RORB: variants seen among roughly 807,000 people sequenced by gnomAD.
The protein encoded by RORB is nuclear receptor ROR-beta.
RORB carries 6 observed loss-of-function variants against 59.1 expected under a neutral mutation model. That is an observed-to-expected ratio of 0.10 (90% CI 0.06 to 0.20). RORB has a LOEUF of 0.20. Among genes scored for constraint, RORB ranks in the 10% least tolerant of loss-of-function variants. The pLI, the probability that RORB is intolerant of heterozygous loss-of-function variation, is 1.00. For synonymous variants in RORB, 215 were observed against 204.5 expected, an observed-to-expected ratio of 1.05 and a Z score of -0.44; for missense variants, 320 against 560.5, an observed-to-expected ratio of 0.57 and a Z score of 4.33.
At chr9:74,669,660 C>A (rs955547866) in intron 8 of RORB, among the ~76,000 whole-genome samples, 1 of 152,100 alleles carries the variant, frequency 6.6e-6, no homozygotes, top group Non-Finnish European at 1.5e-5. Flanking sequence ...GCATCACTGA[C>A]AGGTCTCTAC....
chr9:74,662,984 T>C (rs1359678607), intron 6 of RORB, among the ~76,000 whole-genome samples: 1 of 151,324 alleles, frequency 6.6e-6, no homozygotes, highest in Non-Finnish European at 1.5e-5. Flanking sequence ...GCCTCTGTGG[T>C]CATTTCCAAT....
intron 1 of RORB, among the ~76,000 whole-genome samples, chr9:74,582,054 T>C (rs1223969174): frequency 1.3e-5 from 2 of 152,216 alleles, no homozygotes; most frequent in East Asian, 1.9e-4. Flanking sequence ...ATAAATATTC[T>C]ATCATCTATT....
intron 1 of RORB, among the ~76,000 whole-genome samples, chr9:74,607,154 A>G (rs1337132908): frequency 3.3e-5 from 5 of 152,230 alleles, no homozygotes; most frequent in African/African-American, 4.8e-5. Context: ...ACCATCACCC[A>G]TGACACCAAA....
At chr9:74,678,857 C>A (rs914357777) in intron 9 of RORB, among the ~76,000 whole-genome samples, 4 of 151,812 alleles carry the variant, frequency 2.6e-5, no homozygotes, top group African/African-American at 9.7e-5. Context: ...CACAGTGAAA[C>A]CCCATCTTTA....
At chr9:74,680,374 C>A (rs1470432626) in intron 9 of RORB, among the ~76,000 whole-genome samples, 1 of 152,108 alleles carries the variant, frequency 6.6e-6, no homozygotes, top group East Asian at 1.9e-4. Context: ...CTTCCCTGGT[C>A]CACATGATGA....
At chr9:74,559,143 G>A (rs1014646931) in intron 1 of RORB, among the ~76,000 whole-genome samples, 1 of 152,156 alleles carries the variant, frequency 6.6e-6, no homozygotes, top group Admixed American at 6.5e-5. Context: ...CAGGGCAAGA[G>A]GCAAAATATA....
intron 1 of RORB, among the ~76,000 whole-genome samples, chr9:74,589,234 GGAAGTAGA>G (rs1410058288): frequency 6.6e-6 from 1 of 152,194 alleles, no homozygotes; most frequent in African/African-American, 2.4e-5. Flanking sequence ...GTGGAATTAA[GGAAGTAGA>G]GAGTTTCAAT....
chr9:74,521,798 A>C (rs1240397789), intron 1 of RORB, among the ~76,000 whole-genome samples: 12 of 151,822 alleles, frequency 7.9e-5, no homozygotes, highest in Admixed American at 7.9e-4. Flanking sequence ...AAATGAAAGC[A>C]CCAAGAAAAT....
intron 1 of RORB, among the ~76,000 whole-genome samples, chr9:74,567,956 A>C (rs1822493266): frequency 6.6e-6 from 1 of 152,114 alleles, no homozygotes; most frequent in South Asian, 2.1e-4. Flanking sequence ...TATTTTTACA[A>C]CCCAGGGTTT....
intron 1 of RORB, among the ~76,000 whole-genome samples, chr9:74,579,103 GT>G (rs1822680574): frequency 6.6e-6 from 1 of 152,046 alleles, no homozygotes; most frequent in African/African-American, 2.4e-5. Flanking sequence ...ATTTTCTAAT[GT>G]TTATTCCATT....
intron 1 of RORB, among the ~76,000 whole-genome samples, chr9:74,502,123 T>C (rs980336420): frequency 9.2e-5 from 14 of 152,150 alleles, no homozygotes; most frequent in African/African-American, 3.4e-4. Context: ...AATTTGATAA[T>C]ACTAAACTAT....
chr9:74,498,829 C>T (rs1369985832), intron 1 of RORB: 2 of 161,976 alleles, frequency 1.2e-5, no homozygotes, highest in Non-Finnish European at 2.6e-5. Context: ...GCGGTGGCGG[C>T]GGCGGCGGCG....
At chr9:74,616,109 TGAA>T (rs1233908736) in intron 1 of RORB, among the ~76,000 whole-genome samples, 1 of 152,244 alleles carries the variant, frequency 6.6e-6, no homozygotes, top group Non-Finnish European at 1.5e-5. Flanking sequence ...GCTATTTGGT[TGAA>T]TGATTATTAA....
At chr9:74,676,653 T>C (rs1182939330) in intron 9 of RORB, among the ~76,000 whole-genome samples, 1 of 152,242 alleles carries the variant, frequency 6.6e-6, no homozygotes, top group Non-Finnish European at 1.5e-5. Flanking sequence ...TCCTTTCTAA[T>C]TCTCCTAGGA....
At chr9:74,527,292 T>A (rs1377958725) in intron 1 of RORB, among the ~76,000 whole-genome samples, 1 of 152,002 alleles carries the variant, frequency 6.6e-6, no homozygotes, top group African/African-American at 2.4e-5. Context: ...TGGACAGTTA[T>A]GAATCATTCA....
chr9:74,577,171 G>T (rs1323417647), intron 1 of RORB, among the ~76,000 whole-genome samples: 1 of 152,070 alleles, frequency 6.6e-6, no homozygotes, highest in African/African-American at 2.4e-5. Context: ...ATTGAATTTT[G>T]CTGGGTTTTT....
intron 1 of RORB, among the ~76,000 whole-genome samples, chr9:74,512,644 C>T (rs879792526): frequency 6.6e-6 from 1 of 152,104 alleles, no homozygotes; most frequent in South Asian, 2.1e-4. Flanking sequence ...TACAGGACAG[C>T]CCACAAGGCA....
intron 9 of RORB, among the ~76,000 whole-genome samples, chr9:74,680,052 G>C (rs983979937): frequency 6.6e-5 from 10 of 152,100 alleles, no homozygotes; most frequent in African/African-American, 2.4e-4. Flanking sequence ...GCAGTGAGCC[G>C]AAATCATACC....
At chr9:74,561,937 A>G (rs1469286410) in intron 1 of RORB, among the ~76,000 whole-genome samples, 1 of 152,126 alleles carries the variant, frequency 6.6e-6, no homozygotes, top group African/African-American at 2.4e-5. Flanking sequence ...ATTATGTAGA[A>G]TGTCACTCCA....
Sources: gnomAD v4.1 joint callset for allele counts (sites outside exome capture counted in the v4.1 genomes callset) on GRCh38, gnomAD v4.1.1 for gene constraint, MANE v1.5 for transcripts, NCBI Gene and HGNC (gene_info 2026-07-23, HGNC 2026-07-21) for gene names.